XYLT1: variants seen among roughly 807,000 people sequenced by gnomAD.
XYLT1 encodes beta-D-xylosyltransferase 1.
A neutral mutation model predicts 91.3 loss-of-function variants in XYLT1; 36 were observed. The observed-to-expected ratio is 0.39, with a 90% CI of 0.30 to 0.52. The LOEUF is 0.52. Among genes scored for constraint, XYLT1 ranks in the 20% least tolerant of loss-of-function variants. The pLI, the probability that XYLT1 is intolerant of heterozygous loss-of-function variation, is 0.68. For synonymous variants in XYLT1, 588 were observed against 532.0 expected, an observed-to-expected ratio of 1.11 and a Z score of -1.45; for missense variants, 1,242 against 1,284.5, an observed-to-expected ratio of 0.97 and a Z score of 0.51.
rs142032339 is a variant in XYLT1, at chr16:17,370,564, G to T, written c.364-12514C>A. Among the ~76,000 whole-genome samples, 815 of 152,298 alleles carry T rather than the reference G, an allele frequency of 5.4e-3. 8 individuals carry two copies. Among genetic ancestry groups the T allele is most frequent in the African/African-American group, 0.019 (790 of 41,560 alleles). ...GAACACGTTCATGAAGTGGTGGGAA[G>T]CAACCCTAGTGACTCAGCAGTGGCC... On this transcript the variant is annotated intron_variant, in intron 1 of 11. Coordinates refer to ENST00000261381, the MANE Select transcript of XYLT1 (RefSeq NM_022166.4).
At chr16:17,270,298 A>G (rs1449173222) in intron 2 of XYLT1, among the ~76,000 whole-genome samples, 1 of 152,238 alleles carries the variant, frequency 6.6e-6, no homozygotes. Context: ...TCAAGCCTAC[A>G]AGGCTAAGTC....
chr16:17,409,301 T>C (rs1371386971), intron 1 of XYLT1, among the ~76,000 whole-genome samples: 4 of 152,142 alleles, frequency 2.6e-5, no homozygotes, highest in East Asian at 1.9e-4. Flanking sequence ...ATAAACACAT[T>C]AGACCCAAGA....
chr16:17,299,537 A>C (rs1389163537), intron 2 of XYLT1, among the ~76,000 whole-genome samples: 3 of 152,370 alleles, frequency 2.0e-5, no homozygotes, highest in Non-Finnish European at 2.9e-5. Context: ...GCTGCTGCAC[A>C]GGGGCTAAAG....
chr16:17,470,394 C>T, intron 1 of XYLT1, 40 bp downstream of exon 1: 2 of 1,220,992 alleles, frequency 1.6e-6, no homozygotes, highest in Non-Finnish European at 2.0e-6. Flanking sequence ...TGCCTTCCTC[C>T]CTCCCTCGCC....
intron 3 of XYLT1, among the ~76,000 whole-genome samples, chr16:17,218,347 G>A (rs1274060970): frequency 6.7e-6 from 1 of 149,024 alleles, no homozygotes; most frequent in African/African-American, 2.4e-5. Context: ...GGAGAGGGGA[G>A]TAGTGCGGAC....
rs2141802830 is a variant in XYLT1 at position 17,294,471 on chromosome 16, G to A, written c.403-34973C>T. 1.3e-5 allele frequency among the ~76,000 whole-genome samples: 2 copies of A among 152,320 alleles called. 1 individual carries two copies. The highest frequency in any genetic ancestry group is 4.1e-4 in the South Asian group (2 of 4,822). On this transcript the variant is annotated intron_variant, in intron 2 of 11. Transcript: ENST00000261381. Reference sequence around the variant, plus strand: ...TCCGCCACTCTCATGCCACAAGCAAGAGCTGCTGTGTAAGGGAGGGTGGCA... The same window carrying A: ...TCCGCCACTCTCATGCCACAAGCAAAAGCTGCTGTGTAAGGGAGGGTGGCA...
At chr16:17,282,435 C>T (rs1011052752) in intron 2 of XYLT1, among the ~76,000 whole-genome samples, 3 of 152,184 alleles carry the variant, frequency 2.0e-5, no homozygotes, top group East Asian at 1.9e-4. Flanking sequence ...AAATTATTTC[C>T]GACAGGTGAC....
At chr16:17,410,445 T>C (rs1427464168) in intron 1 of XYLT1, among the ~76,000 whole-genome samples, 3 of 152,060 alleles carry the variant, frequency 2.0e-5, no homozygotes, top group African/African-American at 7.2e-5. Flanking sequence ...AGAGAGAGCT[T>C]GTGCGGGAAA....
intron 1 of XYLT1, among the ~76,000 whole-genome samples, chr16:17,453,226 C>T (rs1004587135): frequency 1.3e-5 from 2 of 152,216 alleles, no homozygotes; most frequent in African/African-American, 4.8e-5. Context: ...CAGCAGCTGA[C>T]CTTCTTCTCT....
intron 3 of XYLT1, among the ~76,000 whole-genome samples, chr16:17,205,373 G>A (rs1466192370): frequency 6.6e-6 from 1 of 152,246 alleles, no homozygotes; most frequent in East Asian, 1.9e-4. Flanking sequence ...GCAGTGTCCT[G>A]CAATAATGAT....
chr16:17,390,773 C>T (rs1009044534), intron 1 of XYLT1, among the ~76,000 whole-genome samples: 2 of 152,206 alleles, frequency 1.3e-5, no homozygotes, highest in African/African-American at 4.8e-5. Context: ...CAGTGGCTCA[C>T]GCCTGTAATC....
chr16:17,421,450 T>C (rs1008307076), intron 1 of XYLT1, among the ~76,000 whole-genome samples: 3 of 152,204 alleles, frequency 2.0e-5, no homozygotes, highest in African/African-American at 7.2e-5. Flanking sequence ...CAACAGAATA[T>C]GGCAGGAGTG....
intron 1 of XYLT1, among the ~76,000 whole-genome samples, chr16:17,419,735 AC>A (rs2036227213): frequency 6.6e-6 from 1 of 152,176 alleles, no homozygotes; most frequent in Admixed American, 6.5e-5. Flanking sequence ...ACAAAACAAA[AC>A]AAAAAACACT....
At chr16:17,174,058 C>T (rs995739305) in intron 5 of XYLT1, among the ~76,000 whole-genome samples, 2 of 152,074 alleles carry the variant, frequency 1.3e-5, no homozygotes, top group African/African-American at 2.4e-5. Flanking sequence ...GGGATGTTGA[C>T]GAACCCAAGA....
intron 3 of XYLT1, among the ~76,000 whole-genome samples, chr16:17,222,841 A>C (rs1186302338): frequency 1.4e-5 from 2 of 146,666 alleles, no homozygotes; most frequent in Admixed American, 6.9e-5. Context: ...CCAGATCACC[A>C]CCCTGGCAGT....
chr16:17,205,125 A>G (rs754821424), intron 3 of XYLT1, among the ~76,000 whole-genome samples: 61 of 152,224 alleles, frequency 4.0e-4, no homozygotes, highest in Non-Finnish European at 1.2e-4. Context: ...GAGAATATCA[A>G]GTATATTTTT....
intron 2 of XYLT1, among the ~76,000 whole-genome samples, chr16:17,307,283 G>T (rs9972854): frequency 0.14 from 21,397 of 152,124 alleles, 1,717 homozygotes; most frequent in South Asian, 0.21. Context: ...CACCATGCTG[G>T]TCAGGCTGGT....
chr16:17,459,827 T>C (rs2036792644), intron 1 of XYLT1, among the ~76,000 whole-genome samples: 1 of 152,156 alleles, frequency 6.6e-6, no homozygotes. Context: ...AACCAGTATC[T>C]GATGAATGAA....
intron 1 of XYLT1, among the ~76,000 whole-genome samples, chr16:17,422,963 T>C (rs981233048): frequency 6.6e-5 from 10 of 152,208 alleles, no homozygotes; most frequent in African/African-American, 2.4e-4. Context: ...TGAGCTCTGG[T>C]CTTCTGCTAA....
Sources: allele counts gnomAD v4.1 joint callset (sites outside exome capture counted in the v4.1 genomes callset), GRCh38; gene constraint gnomAD v4.1.1; transcripts MANE v1.5; gene names NCBI Gene and HGNC (gene_info 2026-07-23, HGNC 2026-07-21).